The following EPS15L1 variants were observed in gnomAD, a reference collection of about 807,000 sequenced individuals.
The protein encoded by EPS15L1 is epidermal growth factor receptor substrate 15-like 1.
A neutral mutation model predicts 117.1 loss-of-function variants in EPS15L1; 43 were observed. That is an observed-to-expected ratio of 0.37 (90% CI 0.29 to 0.47). EPS15L1 has a LOEUF of 0.47. EPS15L1 is among the 20% of genes least tolerant of loss of function. The probability of loss-of-function intolerance (pLI) is 0.99; values close to 1 mark genes in which losing one functional copy is unlikely to be tolerated. For synonymous variants in EPS15L1, 459 were observed against 470.5 expected (o/e 0.98, Z 0.32); for missense variants, 981 against 1,164.0 (o/e 0.84, Z 2.29).
At chr19:16,437,169 C>A (rs1357073302) in intron 5 of EPS15L1, 170 bp from the exon 6 acceptor site, 4 of 597,026 alleles carry the variant, frequency 6.7e-6, no homozygotes, top group African/African-American at 1.9e-5. Flanking sequence ...TACGTATTGA[C>A]CCAAATGAAT....
At chr19:16,403,070 T>A (rs1367047294) in intron 15 of EPS15L1, among the ~76,000 whole-genome samples, 1 of 152,132 alleles carries the variant, frequency 6.6e-6, no homozygotes, top group African/African-American at 2.4e-5. Context: ...AGAGACCAGT[T>A]CAATTGGTAA....
chr19:16,423,031 T>G (rs2092833457), intron 9 of EPS15L1, among the ~76,000 whole-genome samples: 1 of 151,720 alleles, frequency 6.6e-6, no homozygotes, highest in South Asian at 2.1e-4. Flanking sequence ...GTCCATAGGA[T>G]TGAGGAGAAG....
chr19:16,417,329 C>G (rs2092767541), intron 12 of EPS15L1: 1 of 519,148 alleles, frequency 1.9e-6, no homozygotes, highest in Non-Finnish European at 3.5e-6. Flanking sequence ...CTGCCTGAGA[C>G]CACACAGATG....
intron 19 of EPS15L1, among the ~76,000 whole-genome samples, chr19:16,389,217 G>C (rs2092452068): frequency 6.6e-6 from 1 of 151,712 alleles, no homozygotes; most frequent in Non-Finnish European, 1.5e-5. Context: ...ACTTTGGAGG[G>C]GCTGAGGCAG....
Position 16,382,791 on chromosome 19 carries a change from C to G in EPS15L1, c.2247+2338G>C, listed in dbSNP as rs181207863. ...TCTTCAGGTGAGGGTGGGGCCTCAA[C>G]TAAGAGTGCAGGCCCGAAGAGCCTC... On this transcript the variant is annotated intron_variant, in intron 21 of 23. Transcript: ENST00000455140. Among the ~76,000 whole-genome samples, 15 of 152,224 alleles carry G rather than the reference C, an allele frequency of 9.9e-5. No homozygotes were observed. In the East Asian group the frequency reaches 2.9e-3, roughly 29 times the overall value.
chr19:16,406,552 T>C (rs1246181535), intron 13 of EPS15L1, among the ~76,000 whole-genome samples: 1 of 152,160 alleles, frequency 6.6e-6, no homozygotes, highest in Admixed American at 6.5e-5. Flanking sequence ...CCTGGCCCCA[T>C]CACCGGGTAA....
At chr19:16,430,316 G>C (rs888870397) in intron 7 of EPS15L1, among the ~76,000 whole-genome samples, 6 of 152,138 alleles carry the variant, frequency 3.9e-5, no homozygotes, top group Non-Finnish European at 8.8e-5. Context: ...AGGTGAAGAG[G>C]GCAGGCTCTA....
chr19:16,415,973 G>A (rs1051654978), intron 12 of EPS15L1, among the ~76,000 whole-genome samples: 5 of 152,204 alleles, frequency 3.3e-5, no homozygotes, highest in Non-Finnish European at 7.3e-5. Context: ...GCCCCCAGGA[G>A]CTGAGACAGA....
intron 23 of EPS15L1, chr19:16,361,437 T>C: frequency 2.8e-6 from 1 of 351,368 alleles, no homozygotes; most frequent in Non-Finnish European, 4.2e-6. Context: ...TTCGGAAGTG[T>C]TTGACATCTT....
intron 1 of EPS15L1, among the ~76,000 whole-genome samples, chr19:16,459,840 C>T (rs1263536889): frequency 6.6e-6 from 1 of 152,166 alleles, no homozygotes; most frequent in Non-Finnish European, 1.5e-5. Context: ...GGTGTAAAAT[C>T]ACAGTCCTTA....
At chr19:16,427,204 G>A (rs979494048) in intron 8 of EPS15L1, among the ~76,000 whole-genome samples, 2 of 152,100 alleles carry the variant, frequency 1.3e-5, no homozygotes, top group Admixed American at 6.6e-5. Flanking sequence ...GGGGGAGGTC[G>A]CTTGAGTTGA....
intron 21 of EPS15L1, 22 bp downstream of exon 21, chr19:16,385,107 G>T: frequency 6.2e-7 from 1 of 1,604,302 alleles, no homozygotes; most frequent in Non-Finnish European, 8.5e-7. Flanking sequence ...AGAGGCGCGG[G>T]GGCTCCGTGG....
Position 16,404,697 on chromosome 19 carries a change from G to T in EPS15L1, c.1319C>A (p.Ala440Asp). 1 of 1,614,220 alleles carries T rather than the reference G, an allele frequency of 6.2e-7. No homozygotes were observed. The highest frequency in any genetic ancestry group is 8.5e-7 in the Non-Finnish European group (1 of 1,180,044). Residue 440 changes from alanine to aspartate, a missense_variant, in exon 14 of 24, where the codon GCT (alanine) becomes GAT (aspartate). Ala to Asp is a moderately radical substitution (Grantham distance 126). This residue lies in a region of EPS15L1 where 819 missense variants were observed against 949.0 expected (regional missense o/e 0.86). Coordinates refer to ENST00000455140, the MANE Select transcript of EPS15L1 (RefSeq NM_001258374.3). This position sits in a 1 kb window ranked among gnomAD's most constrained non-coding sequence, Gnocchi z 4.2. ...GCGGTCTTGAGCATCCTGTTTCTGAGCCTCGAGCTCCTGCAAACTGCTTGT... is the reference window on the plus strand; with the variant it reads ...GCGGTCTTGAGCATCCTGTTTCTGATCCTCGAGCTCCTGCAAACTGCTTGT... ...RETSSLQELE[A>D]QKQDAQDRLD...
intron 22 of EPS15L1, among the ~76,000 whole-genome samples, chr19:16,363,215 C>T (rs1206175057): frequency 6.6e-6 from 1 of 152,186 alleles, no homozygotes; most frequent in Non-Finnish European, 1.5e-5. Context: ...CAACGTGGTC[C>T]ACGCAGCACC....
At chr19:16,450,845 A>T (rs1477195734) in intron 1 of EPS15L1, among the ~76,000 whole-genome samples, 7 of 151,136 alleles carry the variant, frequency 4.6e-5, no homozygotes, top group Admixed American at 4.0e-4. Flanking sequence ...AGAATCCAGG[A>T]CTCTTCCTTC....
In EPS15L1 at chr19:16,405,654, G is replaced by A. The variant is rs537787795; in HGVS notation, c.1267-905C>T. ...CTTGGCCATGGAACGGGATGGCGCC[G>A]TGTGCTTTGCCTTACAGTGGGACAT... On this transcript the variant is annotated intron_variant, in intron 13 of 23. Coordinates refer to ENST00000455140, the MANE Select transcript of EPS15L1 (RefSeq NM_001258374.3). This position sits in a 1 kb window ranked among gnomAD's most constrained non-coding sequence, Gnocchi z 4.0. Among the ~76,000 whole-genome samples, 2 of 152,350 alleles carry A rather than the reference G, an allele frequency of 1.3e-5. No homozygotes were observed. Among genetic ancestry groups the A allele is most frequent in the South Asian group, 2.1e-4 (1 of 4,828 alleles).
At chr19:16,448,834 A>G (rs1254140675) in intron 1 of EPS15L1, among the ~76,000 whole-genome samples, 1 of 152,208 alleles carries the variant, frequency 6.6e-6, no homozygotes. Flanking sequence ...CGTCTCAAAA[A>G]AAAAAGCCAG....
intron 22 of EPS15L1, 87 bp from the exon 23 acceptor site, chr19:16,362,071 C>G: frequency 7.4e-7 from 1 of 1,351,124 alleles, no homozygotes; most frequent in Non-Finnish European, 9.9e-7. Flanking sequence ...TGGGCACAAG[C>G]CCGGGGCGCT....
At chr19:16,464,665 CA>C (rs2093283643) in intron 1 of EPS15L1, among the ~76,000 whole-genome samples, 1 of 152,150 alleles carries the variant, frequency 6.6e-6, no homozygotes, top group African/African-American at 2.4e-5. Flanking sequence ...TGGCCTAGAC[CA>C]GGGGTGTCCA....
Sources: gnomAD v4.1 joint callset for allele counts (sites outside exome capture counted in the v4.1 genomes callset) on GRCh38, gnomAD v4.1.1 for gene constraint, gnomAD v4.1.1 regional missense constraint, Gnocchi (gnomAD v3.1) non-coding constraint, MANE v1.5 for transcripts, NCBI Gene and HGNC (gene_info 2026-07-23, HGNC 2026-07-21) for gene names.